SORCS3: variants seen among roughly 807,000 people sequenced by gnomAD.
SORCS3 encodes sortilin related VPS10 domain containing receptor 3.
SORCS3 carries 57 observed loss-of-function variants against 146.3 expected under a neutral mutation model. The observed-to-expected ratio is 0.39, with a 90% confidence interval of 0.31 to 0.49. The LOEUF (loss-of-function observed/expected upper bound fraction) is 0.49, where lower values mean the gene tolerates loss of function less well. Ranked by LOEUF, SORCS3 falls within the 20% of genes least tolerant of loss-of-function variation. The probability of loss-of-function intolerance (pLI) is 0.92; values close to 1 mark genes in which losing one functional copy is unlikely to be tolerated. For missense variants in SORCS3, 1,341 were observed against 1,575.5 expected (o/e 0.85, Z 2.52); for synonymous variants, 653 against 618.5 (o/e 1.06, Z -0.83).
At chr10:105,097,718 G>A (rs1320989631) in intron 6 of SORCS3, among the ~76,000 whole-genome samples, 1 of 152,080 alleles carries the variant, frequency 6.6e-6, no homozygotes, top group Non-Finnish European at 1.5e-5. Context: ...GTCAACAAGG[G>A]AGATTTCAGT....
chr10:105,200,332 A>G (rs998660583), intron 15 of SORCS3, among the ~76,000 whole-genome samples: 2 of 152,098 alleles, frequency 1.3e-5, no homozygotes, highest in Non-Finnish European at 2.9e-5. Flanking sequence ...CCTATCTACT[A>G]ATTGAGGTCA....
chr10:104,652,254 T>C (rs928907619), intron 1 of SORCS3, among the ~76,000 whole-genome samples: 2 of 152,230 alleles, frequency 1.3e-5, no homozygotes, highest in African/African-American at 4.8e-5. Context: ...TTGCTTAGTA[T>C]GATGCCAGTT....
intron 3 of SORCS3, among the ~76,000 whole-genome samples, chr10:104,969,611 G>A (rs933928717): frequency 7.9e-5 from 12 of 152,038 alleles, no homozygotes; most frequent in Admixed American, 6.6e-4. Context: ...TGATATCAAA[G>A]TATATCAAAT....
intron 2 of SORCS3, among the ~76,000 whole-genome samples, chr10:104,910,011 A>G (rs2018950791): frequency 6.6e-6 from 1 of 152,170 alleles, no homozygotes; most frequent in Admixed American, 6.5e-5. Context: ...ACCAGTCCGC[A>G]CTAAGTCCTT....
chr10:105,029,219 G>A lies in SORCS3; in HGVS notation c.955-13836G>A, dbSNP rs538883265. Among the ~76,000 whole-genome samples the A allele has an allele frequency of 2.3e-3, 352 of 152,266 alleles. 3 individuals carry two copies. The highest frequency in any genetic ancestry group is 7.9e-3 in the African/African-American group (329 of 41,548). On this transcript the variant is annotated intron_variant, in intron 4 of 26. Transcript: ENST00000369701. ...TATCAATATGATTTACAAGTCACAG[G>A]TAACTCTAATGCAGAGTTGAGAACC...
At chr10:104,898,838 C>G (rs1368750419) in intron 2 of SORCS3, among the ~76,000 whole-genome samples, 2 of 152,150 alleles carry the variant, frequency 1.3e-5, no homozygotes, top group Admixed American at 6.5e-5. Flanking sequence ...TTTTTCCCCC[C>G]ATCACCCTGC....
At chr10:104,749,398 C>A (rs552989083) in intron 1 of SORCS3, among the ~76,000 whole-genome samples, 2 of 152,138 alleles carry the variant, frequency 1.3e-5, no homozygotes, top group Admixed American at 6.5e-5. Flanking sequence ...AGTTCCTTTT[C>A]TTTTTAAATC....
chr10:104,973,118 T>G (rs941118804), intron 3 of SORCS3, among the ~76,000 whole-genome samples: 12 of 152,282 alleles, frequency 7.9e-5, no homozygotes, highest in Admixed American at 7.2e-4. Context: ...TGAGGATTTT[T>G]GCATCAATGT....
chr10:104,990,835 T>C (rs1300653817), intron 4 of SORCS3, among the ~76,000 whole-genome samples: 1 of 152,148 alleles, frequency 6.6e-6, no homozygotes, highest in Non-Finnish European at 1.5e-5. Flanking sequence ...CCCTGGAGCC[T>C]CCAGAAGGAA....
chr10:104,776,762 C>A (rs552020489), intron 1 of SORCS3, among the ~76,000 whole-genome samples: 2 of 151,122 alleles, frequency 1.3e-5, no homozygotes, highest in South Asian at 4.2e-4. Flanking sequence ...CATCCTTCTC[C>A]AAGAACCTGG....
chr10:104,878,069 A>G (rs1012188658), intron 2 of SORCS3, among the ~76,000 whole-genome samples: 4 of 152,138 alleles, frequency 2.6e-5, no homozygotes, highest in Admixed American at 2.0e-4. Flanking sequence ...AGATTCTTCA[A>G]TTGCATTTGT....
At chr10:104,924,503 C>T (rs1288009498) in intron 3 of SORCS3, among the ~76,000 whole-genome samples, 1 of 152,208 alleles carries the variant, frequency 6.6e-6, no homozygotes, top group African/African-American at 2.4e-5. Context: ...AAGGGTATTG[C>T]AGCTGGAATC....
At chr10:104,870,327 G>A (rs190340951) in intron 2 of SORCS3, among the ~76,000 whole-genome samples, 1 of 152,264 alleles carries the variant, frequency 6.6e-6, no homozygotes, top group East Asian at 1.9e-4. Flanking sequence ...AATGAGTAGA[G>A]AGTCATTCAT....
chr10:104,919,463 G>A (rs2019065008), intron 3 of SORCS3, among the ~76,000 whole-genome samples: 1 of 152,002 alleles, frequency 6.6e-6, no homozygotes, highest in South Asian at 2.1e-4. Context: ...GACTGAGGTG[G>A]GCAGATCACC....
At chr10:104,821,038 T>C (rs1212924579) in intron 1 of SORCS3, among the ~76,000 whole-genome samples, 2 of 152,178 alleles carry the variant, frequency 1.3e-5, no homozygotes, top group East Asian at 3.9e-4. Context: ...GCAGGCTTGA[T>C]CCAACAGCTC....
intron 5 of SORCS3, among the ~76,000 whole-genome samples, chr10:105,078,690 CAT>C (rs1456223730): frequency 3.3e-5 from 5 of 152,178 alleles, no homozygotes; most frequent in Non-Finnish European, 7.3e-5. Context: ...AAAGTGTTAA[CAT>C]GTGCCTCTCT....
At chr10:105,123,033 AAAG>A (rs2055945852) in intron 7 of SORCS3, among the ~76,000 whole-genome samples, 1 of 152,272 alleles carries the variant, frequency 6.6e-6, no homozygotes, top group African/African-American at 2.4e-5. Flanking sequence ...AGATTACATT[AAAG>A]AAGGGCTTCC....
At chr10:104,987,166 AAAGGAAGGAATGAAGGACGGAACGAAAG>A (rs1305047107) in intron 4 of SORCS3, among the ~76,000 whole-genome samples, 1 of 152,124 alleles carries the variant, frequency 6.6e-6, no homozygotes, top group Non-Finnish European at 1.5e-5. Flanking sequence ...TAAGGTAAAG[AAAGGAAGGAATGAAGGACGGAACGAAAG>A]AAGGAAGGAA....
chr10:105,063,561 T>C (rs566660991), intron 5 of SORCS3, among the ~76,000 whole-genome samples: 2 of 152,356 alleles, frequency 1.3e-5, no homozygotes, highest in South Asian at 4.1e-4. Context: ...ACTTGTGAGA[T>C]AAGGTGTGAT....
Sources: allele counts gnomAD v4.1 joint callset (sites outside exome capture counted in the v4.1 genomes callset), GRCh38; gene constraint gnomAD v4.1.1; transcripts MANE v1.5; gene names NCBI Gene and HGNC (gene_info 2026-07-23, HGNC 2026-07-21).